EBF2: variants seen among roughly 807,000 people sequenced by gnomAD.
EBF2 encodes transcription factor COE2.
A neutral mutation model predicts 72.8 loss-of-function variants in EBF2; 21 were observed. The ratio of observed to expected loss-of-function variants is 0.29; its 90% CI spans 0.20 to 0.42. The LOEUF (loss-of-function observed/expected upper bound fraction) is 0.42. EBF2 is among the 10% of genes least tolerant of loss of function. The pLI is 1.00. For missense variants in EBF2, 637 were observed against 731.2 expected, an observed-to-expected ratio of 0.87 and a Z score of 1.49; for synonymous variants, 299 against 274.2, an observed-to-expected ratio of 1.09 and a Z score of -0.89.
At chr8:25,934,672 G>A (rs1382826117) in intron 6 of EBF2, among the ~76,000 whole-genome samples, 3 of 152,154 alleles carry the variant, frequency 2.0e-5, no homozygotes, top group African/African-American at 7.2e-5. Context: ...TGCATGGCTG[G>A]AGCTCGCACG....
intron 6 of EBF2, among the ~76,000 whole-genome samples, chr8:25,977,345 A>G (rs984334905): frequency 1.3e-5 from 2 of 152,100 alleles, no homozygotes; most frequent in Admixed American, 1.3e-4. Flanking sequence ...GCTGAACCCA[A>G]TTCCTCTATC....
chr8:25,865,154 CA>C (rs148482019), intron 10 of EBF2, among the ~76,000 whole-genome samples: 1 of 151,818 alleles, frequency 6.6e-6, no homozygotes, highest in Non-Finnish European at 1.5e-5. Flanking sequence ...AGGGAAATTT[CA>C]AAAAAAATTT....
At chr8:25,927,453 T>C (rs1803405696) in intron 6 of EBF2, among the ~76,000 whole-genome samples, 1 of 151,778 alleles carries the variant, frequency 6.6e-6, no homozygotes, top group African/African-American at 2.4e-5. Context: ...CTATTGGTCC[T>C]TTTCTCTGGA....
intron 14 of EBF2, among the ~76,000 whole-genome samples, chr8:25,856,846 T>G (rs1006759374): frequency 6.6e-6 from 1 of 152,216 alleles, no homozygotes; most frequent in Non-Finnish European, 1.5e-5. Flanking sequence ...TCTCTTTGCT[T>G]TAGCCTCTTG....
chr8:25,852,333 C>T (rs1423697025), intron 14 of EBF2, among the ~76,000 whole-genome samples: 1 of 149,436 alleles, frequency 6.7e-6, no homozygotes, highest in African/African-American at 2.5e-5. Flanking sequence ...CAAAAAATCC[C>T]CAACTTTTCA....
At chr8:25,998,972 A>T (rs1804679161) in intron 6 of EBF2, among the ~76,000 whole-genome samples, 1 of 152,206 alleles carries the variant, frequency 6.6e-6, no homozygotes, top group South Asian at 2.1e-4. Flanking sequence ...ATAGGGAAAG[A>T]AAAAACTTTT....
intron 6 of EBF2, among the ~76,000 whole-genome samples, chr8:25,920,349 T>G (rs1001908400): frequency 6.6e-6 from 1 of 152,182 alleles, no homozygotes; most frequent in Non-Finnish European, 1.5e-5. Context: ...ACTCACAGGG[T>G]GAAATGGAGG....
intron 9 of EBF2, among the ~76,000 whole-genome samples, chr8:25,887,269 TC>T (rs1358164428): frequency 6.6e-6 from 1 of 152,076 alleles, no homozygotes; most frequent in Non-Finnish European, 1.5e-5. Context: ...ACCCCTGGAA[TC>T]CTTTCCTCTG....
At chr8:26,018,931 T>TAAAAAA (rs1176680985) in intron 6 of EBF2, among the ~76,000 whole-genome samples, 3 of 107,570 alleles carry the variant, frequency 2.8e-5, no homozygotes, top group Non-Finnish European at 3.6e-5. Context: ...TCCATGGCAA[T>TAAAAAA]AAAAAAAAAA....
intron 7 of EBF2, among the ~76,000 whole-genome samples, chr8:25,904,194 A>G (rs1306159115): frequency 6.6e-6 from 1 of 151,156 alleles, no homozygotes; most frequent in African/African-American, 2.4e-5. Context: ...TCAATGGGAT[A>G]CAGACTATAG....
chr8:25,991,846 C>A (rs1308556071), intron 6 of EBF2, among the ~76,000 whole-genome samples: 1 of 151,510 alleles, frequency 6.6e-6, no homozygotes, highest in Admixed American at 6.6e-5. Flanking sequence ...GACTCTGTCT[C>A]AAAAAAATAA....
chr8:25,927,585 G>C (rs1024623795), intron 6 of EBF2, among the ~76,000 whole-genome samples: 1 of 152,058 alleles, frequency 6.6e-6, no homozygotes, highest in Non-Finnish European at 1.5e-5. Flanking sequence ...CTTTCTGCTA[G>C]GGTGGGCAAC....
chr8:25,933,122 G>A (rs926295938), intron 6 of EBF2, among the ~76,000 whole-genome samples: 8 of 152,124 alleles, frequency 5.3e-5, no homozygotes, highest in Non-Finnish European at 8.8e-5. Context: ...ATGCTGGAGC[G>A]TTCGCGTGTC....
chr8:25,943,865 G>A (rs779947600), intron 6 of EBF2, among the ~76,000 whole-genome samples: 4 of 152,046 alleles, frequency 2.6e-5, no homozygotes, highest in South Asian at 4.1e-4. Context: ...ACATAGAGCC[G>A]AATAAGATAC....
chr8:25,991,656 GCCAACATGGTGAAA>G (rs911657483), intron 6 of EBF2, among the ~76,000 whole-genome samples: 4 of 152,088 alleles, frequency 2.6e-5, no homozygotes, highest in Non-Finnish European at 5.9e-5. Flanking sequence ...GACCAGCCTG[GCCAACATGGTGAAA>G]CTCCATCTCT....
intron 6 of EBF2, among the ~76,000 whole-genome samples, chr8:25,931,564 C>T (rs1006590899): frequency 3.9e-5 from 6 of 152,174 alleles, no homozygotes; most frequent in African/African-American, 7.2e-5. Flanking sequence ...AATTTGTCAC[C>T]TAGCTAATAT....
intron 6 of EBF2, among the ~76,000 whole-genome samples, chr8:25,955,070 C>A (rs1226758350): frequency 2.0e-5 from 3 of 152,184 alleles, no homozygotes; most frequent in African/African-American, 7.2e-5. Context: ...GGGCACGGAG[C>A]GCATCCCCAG....
At chr8:26,034,170 T>C (rs1470332116) in intron 5 of EBF2, among the ~76,000 whole-genome samples, 1 of 152,248 alleles carries the variant, frequency 6.6e-6, no homozygotes. Context: ...CTATACTTTA[T>C]AAACATTTAT....
At chr8:25,945,603 A>G (rs1012535295) in intron 6 of EBF2, among the ~76,000 whole-genome samples, 2 of 150,284 alleles carry the variant, frequency 1.3e-5, no homozygotes, top group Non-Finnish European at 3.0e-5. Context: ...CTTTCTGTAG[A>G]CCTCTTCTGC....
Sources: allele counts gnomAD v4.1 joint callset (sites outside exome capture counted in the v4.1 genomes callset), GRCh38; gene constraint gnomAD v4.1.1; transcripts MANE v1.5; gene names NCBI Gene and HGNC (gene_info 2026-07-23, HGNC 2026-07-21).